Variants in ASTN2 observed in about 807,000 individuals in gnomAD.
ASTN2 encodes astrotactin-2.
In ASTN2, 54 loss-of-function variants were observed where a neutral mutation model predicts 139.8. The ratio of observed to expected loss-of-function variants is 0.39; its 90% CI spans 0.31 to 0.48. The LOEUF is 0.48. ASTN2 is among the 20% of genes least tolerant of loss of function. ASTN2 has a pLI of 0.95. For missense variants in ASTN2, 1,565 were observed against 1,725.1 expected (o/e 0.91, Z 1.64); for synonymous variants, 756 against 719.5 (o/e 1.05, Z -0.81).
In ASTN2 at chr9:117,291,502, T is replaced by C; in HGVS notation, c.454A>G (p.Thr152Ala). 2 of 1,603,710 alleles carry C rather than the reference T, an allele frequency of 1.2e-6. No individual in the cohort carries two copies. The highest frequency in any genetic ancestry group is 1.7e-6 in the Non-Finnish European group (2 of 1,174,614). ...TGCACCAGCGAGATGTCCGCTGCTG[T>C]GCCAGACATCTCTGCAAGACAAGAC... ...LPFFTLEMSG[T>A]AADISLVHWR... The change falls in exon 2 of 23, where the codon ACA becomes GCA. Residue 152 changes from threonine to alanine, a missense_variant. Around this residue, in one of 4 missense-constraint regions of ASTN2, gnomAD observed 596 missense variants for 576.8 expected, o/e 1.03. Coordinates refer to ENST00000313400, the MANE Select transcript of ASTN2 (RefSeq NM_001365068.1).
chr9:117,250,826 G>T (rs192151730), intron 2 of ASTN2, among the ~76,000 whole-genome samples: 1 of 152,266 alleles, frequency 6.6e-6, no homozygotes, highest in Admixed American at 6.5e-5. Flanking sequence ...CTCTAGCCTG[G>T]GGTGAAAGGT....
At chr9:116,492,418 G>C (rs1409317967) in intron 19 of ASTN2, among the ~76,000 whole-genome samples, 1 of 152,082 alleles carries the variant, frequency 6.6e-6, no homozygotes, top group Non-Finnish European at 1.5e-5. Context: ...TAACAGAGTA[G>C]AGATAAGGAC....
At chr9:117,094,180 G>A (rs1036371731) in intron 5 of ASTN2, among the ~76,000 whole-genome samples, 3 of 106,924 alleles carry the variant, frequency 2.8e-5, no homozygotes, top group Non-Finnish European at 6.0e-5. Flanking sequence ...GGAAGGGAGG[G>A]AGGGAGGAGA....
intron 4 of ASTN2, among the ~76,000 whole-genome samples, chr9:117,140,593 G>C (rs904132675): frequency 1.3e-5 from 2 of 151,334 alleles, no homozygotes; most frequent in African/African-American, 4.9e-5. Context: ...GAAGATGAAG[G>C]AGGAAGAGAT....
Position 117,353,159 on chromosome 9 carries a change from T to C in ASTN2, c.442+61338A>G, listed in dbSNP as rs370699629. Among the ~76,000 whole-genome samples, 6 of 152,202 alleles carry C rather than the reference T, an allele frequency of 3.9e-5. No individual in the cohort carries two copies. In the East Asian group the frequency reaches 5.8e-4, roughly 15 times the overall value. On this transcript the variant is annotated intron_variant, in intron 1 of 22. Coordinates refer to ENST00000313400, the MANE Select transcript of ASTN2 (RefSeq NM_001365068.1). Reference sequence around the variant, plus strand: ...ATTGTACACTTAAAAATGGTTAAAATGGCAAATTGTATGTTACATATATTT... The same window carrying C: ...ATTGTACACTTAAAAATGGTTAAAACGGCAAATTGTATGTTACATATATTT...
chr9:117,171,667 C>A (rs1479245623), intron 3 of ASTN2, among the ~76,000 whole-genome samples: 1 of 151,988 alleles, frequency 6.6e-6, no homozygotes, highest in Non-Finnish European at 1.5e-5. Context: ...ACAAGGGGCT[C>A]TTCCCCCTTT....
rs536529562 is a variant in ASTN2 at position 117,200,428 on chromosome 9, C to G, written c.1015+13930G>C. Among the ~76,000 whole-genome samples, 4 of 152,232 alleles carry G rather than the reference C, an allele frequency of 2.6e-5. No individual in the cohort carries two copies. In the South Asian group the frequency reaches 8.3e-4, roughly 32 times the overall value. On this transcript the variant is annotated intron_variant, in intron 3 of 22. Coordinates refer to ENST00000313400, the MANE Select transcript of ASTN2 (RefSeq NM_001365068.1). ...AATAGGAGTGGTGAGAGAGGGCATC[C>G]TTGCCTTCTACTGGTTTTCAAAGGG...
At chr9:117,224,214 T>C (rs1374530552) in intron 2 of ASTN2, among the ~76,000 whole-genome samples, 3 of 152,268 alleles carry the variant, frequency 2.0e-5, no homozygotes, top group Non-Finnish European at 4.4e-5. Context: ...TATGTCTGTT[T>C]GACTTATATG....
rs149739753 is a variant in ASTN2, at chr9:116,742,460, C to T, written c.2397-8937G>A. Among the ~76,000 whole-genome samples, 17 of 152,294 alleles carry T rather than the reference C, an allele frequency of 1.1e-4. No individual in the cohort carries two copies. The East Asian group carries it at 3.3e-3, about 29-fold the overall frequency. On this transcript the variant is annotated intron_variant, in intron 13 of 22. Transcript: ENST00000313400. ...AGTGCCTCAGTGACCCTCCTCCTGG[C>T]CTTTTGGAAGTCAAACCACCCCTCA...
At chr9:117,077,162 A>G (rs527306871) in intron 5 of ASTN2, among the ~76,000 whole-genome samples, 8 of 152,232 alleles carry the variant, frequency 5.3e-5, no homozygotes, top group East Asian at 1.9e-4. Flanking sequence ...GACAGACACA[A>G]TCAATATGAA....
chr9:116,680,043 TAG>T (rs1479909578), intron 16 of ASTN2, among the ~76,000 whole-genome samples: 1 of 151,618 alleles, frequency 6.6e-6, no homozygotes, highest in Non-Finnish European at 1.5e-5. Context: ...GTGAAGGAAA[TAG>T]AGACACAAAA....
At chr9:117,179,364 T>C (rs2132942169) in intron 3 of ASTN2, among the ~76,000 whole-genome samples, 1 of 152,298 alleles carries the variant, frequency 6.6e-6, no homozygotes, top group South Asian at 2.1e-4. Flanking sequence ...TATGTATATA[T>C]ATCCACATAT....
intron 20 of ASTN2, among the ~76,000 whole-genome samples, chr9:116,445,242 CACAG>C (rs1847952537): frequency 6.6e-6 from 1 of 152,174 alleles, no homozygotes; most frequent in East Asian, 1.9e-4. Flanking sequence ...AGGTTAGTTT[CACAG>C]ACAGTGCATG....
intron 1 of ASTN2, among the ~76,000 whole-genome samples, chr9:117,351,414 T>A (rs1452673095): frequency 6.6e-6 from 1 of 152,142 alleles, no homozygotes; most frequent in Non-Finnish European, 1.5e-5. Context: ...ACAAAAAAAA[T>A]CTGAATTCCC....
chr9:116,702,827 A>G (rs1456335352), intron 16 of ASTN2, among the ~76,000 whole-genome samples: 1 of 152,170 alleles, frequency 6.6e-6, no homozygotes, highest in Non-Finnish European at 1.5e-5. Flanking sequence ...AATATTTATT[A>G]ACTACCTACT....
At chr9:116,468,111 C>T (rs1396291858) in intron 20 of ASTN2, among the ~76,000 whole-genome samples, 2 of 152,334 alleles carry the variant, frequency 1.3e-5, no homozygotes. Context: ...ATTATCAATA[C>T]TTTACTTGCT....
chr9:117,391,942 T>C (rs1201201021), intron 1 of ASTN2, among the ~76,000 whole-genome samples: 1 of 152,160 alleles, frequency 6.6e-6, no homozygotes, highest in African/African-American at 2.4e-5. Flanking sequence ...AATAGTCAAA[T>C]CTTAAATCTC....
chr9:117,408,283 G>T (rs1320710440), intron 1 of ASTN2, among the ~76,000 whole-genome samples: 2 of 152,056 alleles, frequency 1.3e-5, no homozygotes, highest in Middle Eastern at 3.2e-3. Context: ...AGGCAGTGTG[G>T]GCTTCAAGAC....
chr9:116,785,592 C>T (rs1166195391), intron 13 of ASTN2, among the ~76,000 whole-genome samples: 1 of 152,202 alleles, frequency 6.6e-6, no homozygotes, highest in Non-Finnish European at 1.5e-5. Flanking sequence ...CTTGTGCCTG[C>T]TCCTCCTGTG....
Sources: allele counts gnomAD v4.1 joint callset (sites outside exome capture counted in the v4.1 genomes callset), GRCh38; gene constraint gnomAD v4.1.1; regional missense constraint gnomAD v4.1.1; transcripts MANE v1.5; gene names NCBI Gene and HGNC (gene_info 2026-07-23, HGNC 2026-07-21).